SLC26A4: variants seen among roughly 807,000 people sequenced by gnomAD.
SLC26A4 encodes the protein solute carrier family 26 member 4.
SLC26A4 carries 93 observed loss-of-function variants against 90.4 expected under a neutral mutation model. The ratio of observed to expected loss-of-function variants is 1.03; its 90% confidence interval spans 0.87 to 1.22. The LOEUF is 1.22. Ranked by LOEUF, SLC26A4 falls within the 50% of genes most tolerant of loss-of-function variation. SLC26A4 has a pLI of 0.00. For missense variants in SLC26A4, 1,127 were observed against 946.2 expected (o/e 1.19, Z -2.51); for synonymous variants, 393 against 354.6 (o/e 1.11, Z -1.22).
At position 107,702,053 on chromosome 7, in the gene SLC26A4, G is replaced by A. The variant is rs766602152; in HGVS notation, c.2030G>A (p.Arg677Gln). Residue 677 changes from arginine to glutamine, a missense_variant, in exon 17 of 21, where the codon CGG (arginine) becomes CAG (glutamine). Transcript: ENST00000644269. ...GACGTTGTTGGAGTGAGATCACTGCGGGTGGTAAGGTTCTGGTTTTCTGAA... is the reference window on the plus strand; with the variant it reads ...GACGTTGTTGGAGTGAGATCACTGCAGGTGGTAAGGTTCTGGTTTTCTGAA... ...FLDVVGVRSLRVIVKEFQRID... is the reference protein window; with the variant it reads ...FLDVVGVRSLQVIVKEFQRID... 3.0e-5 allele frequency: 47 copies of A among 1,592,918 alleles called. No homozygotes were observed. In the East Asian group the frequency reaches 6.7e-4, roughly 23 times the overall value.
chr7:107,691,852 G>C, intron 10 of SLC26A4: 1 of 1,186,996 alleles, frequency 8.4e-7, no homozygotes, highest in South Asian at 1.5e-5. Flanking sequence ...CATAGCCAGA[G>C]ATCTGTGGTC....
chr7:107,670,958 C>T (rs1385317626), intron 3 of SLC26A4, among the ~76,000 whole-genome samples: 1 of 152,064 alleles, frequency 6.6e-6, no homozygotes, highest in Non-Finnish European at 1.5e-5. Context: ...AGTTGGTCAA[C>T]TTCATCAGGG....
intron 13 of SLC26A4, 29 bp downstream of exon 13, chr7:107,696,068 T>A (rs774776508): frequency 8.2e-7 from 1 of 1,215,384 alleles, no homozygotes; most frequent in Non-Finnish European, 1.2e-6. Context: ...AGATTTCCTA[T>A]AAACAGAACA....
At chr7:107,714,064 G>T (rs761125341) in intron 20 of SLC26A4, among the ~76,000 whole-genome samples, 2 of 146,706 alleles carry the variant, frequency 1.4e-5, no homozygotes, top group Admixed American at 1.4e-4. Context: ...GATTACAGGC[G>T]CTCGCCACCA....
intron 6 of SLC26A4, among the ~76,000 whole-genome samples, chr7:107,682,104 T>TAAAAAAA (rs1169027377): frequency 3.0e-5 from 1 of 33,172 alleles, no homozygotes; most frequent in African/African-American, 9.3e-5. Flanking sequence ...GCAAGAGAGC[T>TAAAAAAA]AAAAAAAAAA....
chr7:107,661,892 T>C lies in SLC26A4; in HGVS notation c.164+87T>C. ...GAAGGGCGTCCCCAGCGGGCGAGAG[T>C]GGGGTGCGGGCGGCGGAGCCCCTGG... On this transcript the variant is annotated intron_variant, in intron 2 of 20. Transcript: ENST00000644269. The surrounding 1 kb of genome is among the most constrained non-coding windows in gnomAD (Gnocchi z 5.1). 1 of 1,423,896 alleles carries C rather than the reference T, an allele frequency of 7.0e-7. No homozygotes were observed. Among genetic ancestry groups the C allele is most frequent in the African/African-American group, 1.4e-5 (1 of 69,462 alleles). 88.2% of individuals were successfully genotyped at this position (1,423,896 alleles called of 1,614,324 possible).
rs111033310 is a variant in SLC26A4, at chr7:107,710,183, G to T, written c.2219G>T (p.Gly740Val). 2.1e-4 allele frequency: 340 copies of T among 1,604,710 alleles called. 1 individual carries two copies. Among genetic ancestry groups the T allele is most frequent in the Middle Eastern group, 6.6e-4 (4 of 6,066 alleles). ...CAAGTGAAATCTCAAGAGGGTCAAG[G>T]TTCCATTTTAGAAACGGTAAATATT... Reference protein sequence around the residue: ...QNQVKSQEGQGSILETITLIQ... With the variant: ...QNQVKSQEGQVSILETITLIQ... The change falls in exon 19 of 21, where the codon GGT (glycine) becomes GTT (valine). Residue 740 changes from glycine to valine, a missense_variant. Gly to Val is a moderately radical substitution (Grantham distance 109, BLOSUM62 -3). Transcript: ENST00000644269.
chr7:107,709,715 CAT>C (rs1259148389), intron 18 of SLC26A4, among the ~76,000 whole-genome samples: 2 of 152,194 alleles, frequency 1.3e-5, no homozygotes, highest in African/African-American at 4.8e-5. Flanking sequence ...ATGGGATAAC[CAT>C]TCTATATACT....
chr7:107,664,969 A>C (rs1161245976), intron 3 of SLC26A4, among the ~76,000 whole-genome samples: 1 of 152,208 alleles, frequency 6.6e-6, no homozygotes, highest in Non-Finnish European at 1.5e-5. Flanking sequence ...CTCTGCTTCC[A>C]AGGAACTCAT....
At position 107,661,615 on chromosome 7, in the gene SLC26A4, T is replaced by A. The variant is rs781141888; in HGVS notation, c.-3-24T>A. Reference sequence around the variant, plus strand: ...GTCCTCGCTTACCGCGTGTCCTCCCTCCTCGCTGTCCTCTGGCTCGCAGGT... The same window carrying A: ...GTCCTCGCTTACCGCGTGTCCTCCCACCTCGCTGTCCTCTGGCTCGCAGGT... On this transcript the variant is annotated intron_variant, in intron 1 of 20. Transcript: ENST00000644269. This position sits in a 1 kb window ranked among gnomAD's most constrained non-coding sequence, Gnocchi z 5.1. 1.0e-5 allele frequency: 16 copies of A among 1,546,764 alleles called. No homozygotes were observed. The East Asian group carries it at 3.6e-4, about 35-fold the overall frequency.
chr7:107,661,418 G>T lies in SLC26A4; in HGVS notation c.-3-221G>T. ...ACCCCGGGCAGCGGGTGCAGGCCACGAGACCCGAAGGTTCTCAGGTGCCCC... is the reference window on the plus strand; with the variant it reads ...ACCCCGGGCAGCGGGTGCAGGCCACTAGACCCGAAGGTTCTCAGGTGCCCC... On this transcript the variant is annotated intron_variant, in intron 1 of 20. Transcript: ENST00000644269. This position sits in a 1 kb window ranked among gnomAD's most constrained non-coding sequence, Gnocchi z 5.1. 1.7e-6 allele frequency: 1 copy of T among 603,404 alleles called. No homozygotes were observed. The highest frequency in any genetic ancestry group is 2.0e-5 in the South Asian group (1 of 50,814). The allele number at this position is 603,404 out of a possible 1,614,324, so 37.4% of individuals were successfully genotyped here.
intron 9 of SLC26A4, 45 bp from the exon 10 acceptor site, chr7:107,690,079 A>G: frequency 2.6e-6 from 3 of 1,141,548 alleles, no homozygotes; most frequent in Non-Finnish European, 4.0e-6. Flanking sequence ...AAGGTCTTGC[A>G]AAGATTCAAT....
At chr7:107,664,120 T>C (rs1437305388) in intron 3 of SLC26A4, among the ~76,000 whole-genome samples, 1 of 152,272 alleles carries the variant, frequency 6.6e-6, no homozygotes, top group Non-Finnish European at 1.5e-5. Flanking sequence ...ATATTTATTA[T>C]AACAATGTGC....
chr7:107,665,071 A>C (rs1337389528), intron 3 of SLC26A4, among the ~76,000 whole-genome samples: 1 of 152,068 alleles, frequency 6.6e-6, no homozygotes, highest in Non-Finnish European at 1.5e-5. Flanking sequence ...AATGAGGTTC[A>C]CTCAAAGCGG....
chr7:107,684,607 C>T (rs1020669564), intron 8 of SLC26A4, among the ~76,000 whole-genome samples: 1 of 152,142 alleles, frequency 6.6e-6, no homozygotes, highest in Non-Finnish European at 1.5e-5. Context: ...CTCAAACTTA[C>T]CCTTTTGTAA....
At chr7:107,667,301 T>C (rs1790742431) in intron 3 of SLC26A4, among the ~76,000 whole-genome samples, 1 of 151,530 alleles carries the variant, frequency 6.6e-6, no homozygotes, top group Admixed American at 6.6e-5. Context: ...TGTGATTACC[T>C]AGGAAGAAAG....
At chr7:107,693,147 GA>G (rs1791625078) in intron 10 of SLC26A4, 1 of 220,296 alleles carries the variant, frequency 4.5e-6, no homozygotes, top group African/African-American at 2.4e-5. Context: ...AAGGACAAGG[GA>G]GAGGAAGGGA....
chr7:107,694,667 T>C lies in SLC26A4; in HGVS notation c.1388T>C (p.Met463Thr), dbSNP rs1323883862. The C allele has an allele frequency of 1.2e-6, 2 of 1,613,812 alleles. No individual in the cohort carries two copies. Among genetic ancestry groups the C allele is most frequent in the East Asian group, 2.2e-5 (1 of 44,888 alleles). Residue 463 changes from methionine (M) to threonine (T), a missense_variant, in exon 12 of 21, where the codon ATG becomes ACG. By Grantham distance (81) the Met-to-Thr change is moderately conservative. Coordinates refer to ENST00000644269, the MANE Select transcript of SLC26A4 (RefSeq NM_000441.2). ...VVIANLKGMF[M>T]QLCDIPRLWR... The stretch of plus-strand genomic sequence containing the variant: ...ATTGCCAACCTGAAAGGGATGTTTA[T>C]GCAGCTGTGTGACATTCCTCGTCTG...
At position 107,689,115 on chromosome 7, in the gene SLC26A4, C is replaced by G. The variant is rs1791498735; in HGVS notation, c.1064C>G (p.Ser355Cys). The change falls in exon 9 of 21, where the codon TCC becomes TGC. Residue 355 changes from serine to cysteine, a missense_variant. Coordinates refer to ENST00000644269, the MANE Select transcript of SLC26A4 (RefSeq NM_000441.2). ...LFSEMLAASF[S>C]IAVVAYAIAV... ...TCGGAGATGCTGGCTGCATCATTTTCCATCGCTGTGGTGGCTTATGCTATT... is the reference window on the plus strand; with the variant it reads ...TCGGAGATGCTGGCTGCATCATTTTGCATCGCTGTGGTGGCTTATGCTATT... 6.2e-7 allele frequency: 1 copy of G among 1,613,764 alleles called. No individual in the cohort carries two copies. The highest frequency in any genetic ancestry group is 8.5e-7 in the Non-Finnish European group (1 of 1,179,864).
Sources: gnomAD v4.1 joint callset for allele counts (sites outside exome capture counted in the v4.1 genomes callset) on GRCh38, gnomAD v4.1.1 for gene constraint, Gnocchi (gnomAD v3.1) non-coding constraint, MANE v1.5 for transcripts, NCBI Gene and HGNC (gene_info 2026-07-23, HGNC 2026-07-21) for gene names.